The following AKT3 variants were observed in gnomAD, a reference collection of about 807,000 sequenced individuals.
AKT3 encodes the protein AKT serine/threonine kinase 3.
In AKT3, 15 loss-of-function variants were observed where a neutral mutation model predicts 65.3. The observed-to-expected ratio is 0.23, with a 90% CI of 0.15 to 0.35. The LOEUF is 0.35. AKT3 is among the 10% of genes least tolerant of loss of function. The pLI is 1.00. For missense variants in AKT3, 243 were observed against 576.5 expected, an observed-to-expected ratio of 0.42 and a Z score of 5.92; for synonymous variants, 206 against 183.8, an observed-to-expected ratio of 1.12 and a Z score of -0.98.
chr1:243,607,431 G>A (rs1179644590), intron 8 of AKT3, among the ~76,000 whole-genome samples: 4 of 152,198 alleles, frequency 2.6e-5, no homozygotes, highest in Non-Finnish European at 4.4e-5. Flanking sequence ...TTTAATGACT[G>A]CACTATTGGA....
At chr1:243,601,468 C>T (rs182043471) in intron 8 of AKT3, among the ~76,000 whole-genome samples, 1 of 151,990 alleles carries the variant, frequency 6.6e-6, no homozygotes, top group African/African-American at 2.4e-5. Context: ...CAAGTAACAT[C>T]CTGGGAATGC....
At chr1:243,583,195 T>TATATATATATATATATATATACAC in intron 8 of AKT3, among the ~76,000 whole-genome samples, 1 of 88,290 alleles carries the variant, frequency 1.1e-5, no homozygotes, top group African/African-American at 5.1e-5. Flanking sequence ...TATATATATA[T>TATATATATATATATATATATACAC]ACACACACAC....
At chr1:243,578,115 A>G (rs1675077636) in intron 8 of AKT3, among the ~76,000 whole-genome samples, 1 of 152,186 alleles carries the variant, frequency 6.6e-6, no homozygotes, top group African/African-American at 2.4e-5. Flanking sequence ...CCACTGTGGA[A>G]GACAAGTGTG....
At chr1:243,825,640 T>G (rs931777167) in intron 2 of AKT3, among the ~76,000 whole-genome samples, 1 of 152,206 alleles carries the variant, frequency 6.6e-6, no homozygotes, top group African/African-American at 2.4e-5. Context: ...ATCCGTTTCA[T>G]TGCACACTGT....
At chr1:243,564,197 A>G (rs1182193710) in intron 9 of AKT3, among the ~76,000 whole-genome samples, 22 of 152,152 alleles carry the variant, frequency 1.4e-4, no homozygotes, top group Admixed American at 1.2e-3. Context: ...AACAATCCCA[A>G]AGAGATGAGC....
intron 2 of AKT3, among the ~76,000 whole-genome samples, chr1:243,700,848 T>C (rs911239471): frequency 2.6e-5 from 4 of 152,140 alleles, no homozygotes; most frequent in Non-Finnish European, 5.9e-5. Context: ...GGTATGAGTT[T>C]AGACTCATGC....
chr1:243,552,629 A>G, intron 11 of AKT3, 100 bp downstream of exon 11: 1 of 1,082,428 alleles, frequency 9.2e-7, no homozygotes, highest in South Asian at 1.4e-5. Flanking sequence ...TCTACACCAA[A>G]TACATTGCTT....
At position 243,697,674 on chromosome 1, in the gene AKT3, T is replaced by C. The variant is rs561395347; in HGVS notation, c.47-1958A>G. Among the ~76,000 whole-genome samples the C allele has an allele frequency of 8.5e-5, 13 of 152,222 alleles. No individual in the cohort carries two copies. The East Asian group carries it at 2.5e-3, about 29-fold the overall frequency. On this transcript the variant is annotated intron_variant, in intron 2 of 13. Coordinates refer to ENST00000673466, the MANE Select transcript of AKT3 (RefSeq NM_005465.7). Reference sequence around the variant, plus strand: ...ATCTTCCTAATGTTGACACATTTCATTATACAATCACATTTGTTATCAATA... The same window carrying C: ...ATCTTCCTAATGTTGACACATTTCACTATACAATCACATTTGTTATCAATA...
At chr1:243,623,846 T>C (rs1029822951) in intron 6 of AKT3, among the ~76,000 whole-genome samples, 3 of 152,198 alleles carry the variant, frequency 2.0e-5, no homozygotes, top group Admixed American at 1.3e-4. Flanking sequence ...CATATATGTA[T>C]ATGTATCCGA....
intron 12 of AKT3, among the ~76,000 whole-genome samples, chr1:243,517,032 T>C (rs1402799936): frequency 6.6e-6 from 1 of 152,202 alleles, no homozygotes; most frequent in East Asian, 1.9e-4. Context: ...GCTAAACACA[T>C]TGTGTTTTCG....
intron 2 of AKT3, among the ~76,000 whole-genome samples, chr1:243,721,688 G>C (rs969907267): frequency 6.7e-6 from 1 of 148,556 alleles, no homozygotes; most frequent in Non-Finnish European, 1.5e-5. Context: ...ACATAATGGA[G>C]AGAAAAAGGA....
chr1:243,555,032 T>A (rs928173172), intron 10 of AKT3, among the ~76,000 whole-genome samples: 2 of 152,178 alleles, frequency 1.3e-5, no homozygotes, highest in African/African-American at 4.8e-5. Flanking sequence ...ATAAAATACA[T>A]TTTATTTAGC....
chr1:243,532,486 C>T (rs1671607235), intron 12 of AKT3, among the ~76,000 whole-genome samples: 3 of 152,156 alleles, frequency 2.0e-5, no homozygotes, highest in African/African-American at 7.2e-5. Context: ...GTTGAACATC[C>T]TTGCATTCCT....
intron 11 of AKT3, among the ~76,000 whole-genome samples, chr1:243,552,454 C>A (rs1673151995): frequency 6.6e-6 from 1 of 151,936 alleles, no homozygotes; most frequent in Admixed American, 6.6e-5. Context: ...GATCAAGTAA[C>A]AGAGCAATTA....
chr1:243,715,805 A>G lies in AKT3; in HGVS notation c.47-20089T>C, dbSNP rs75490015. 5.2e-3 allele frequency among the ~76,000 whole-genome samples: 784 copies of G among 151,764 alleles called. 9 individuals are homozygous for G. The highest frequency in any genetic ancestry group is 0.018 in the African/African-American group (744 of 41,432). Reference sequence around the variant, plus strand: ...GAATAAAAAGCCATTCTTAGTGGAGAAAAAAAAATTGTTTCCATTTAGGAA... The same window carrying G: ...GAATAAAAAGCCATTCTTAGTGGAGGAAAAAAAATTGTTTCCATTTAGGAA... On this transcript the variant is annotated intron_variant, in intron 2 of 13. Transcript: ENST00000673466.
At chr1:243,570,246 G>T (rs1304016204) in intron 9 of AKT3, among the ~76,000 whole-genome samples, 1 of 152,210 alleles carries the variant, frequency 6.6e-6, no homozygotes, top group African/African-American at 2.4e-5. Flanking sequence ...TGTAGGCATA[G>T]CAATTGGATT....
chr1:243,763,578 G>A (rs1689630665), intron 2 of AKT3, among the ~76,000 whole-genome samples: 1 of 152,026 alleles, frequency 6.6e-6, no homozygotes. Context: ...TAAGGAAGGA[G>A]TCACAGAGCA....
chr1:243,778,094 C>T (rs541525518), intron 2 of AKT3, among the ~76,000 whole-genome samples: 43 of 152,136 alleles, frequency 2.8e-4, no homozygotes, highest in Non-Finnish European at 5.6e-4. Flanking sequence ...TCACTTAGTA[C>T]ACTCTCTCTT....
At chr1:243,734,353 G>A (rs1270246265) in intron 2 of AKT3, among the ~76,000 whole-genome samples, 1 of 152,158 alleles carries the variant, frequency 6.6e-6, no homozygotes. Flanking sequence ...GTCATGCATT[G>A]CTTAATGATG....
Sources: allele counts gnomAD v4.1 joint callset (sites outside exome capture counted in the v4.1 genomes callset), GRCh38; gene constraint gnomAD v4.1.1; transcripts MANE v1.5; gene names NCBI Gene and HGNC (gene_info 2026-07-23, HGNC 2026-07-21).